Variants in LCLAT1 observed in about 807,000 individuals in gnomAD.
The protein encoded by LCLAT1 is lysocardiolipin acyltransferase 1.
In LCLAT1, 11 loss-of-function variants were observed where a neutral mutation model predicts 30.7. That is an observed-to-expected ratio of 0.36 (90% CI 0.23 to 0.59). LCLAT1 has a LOEUF of 0.59. Among genes scored for constraint, LCLAT1 ranks in the 20% least tolerant of loss-of-function variants. LCLAT1 has a pLI of 0.77. For missense variants in LCLAT1, 402 were observed against 458.6 expected, an observed-to-expected ratio of 0.88 and a Z score of 1.13; for synonymous variants, 155 against 151.3, an observed-to-expected ratio of 1.02 and a Z score of -0.18.
intron 3 of LCLAT1, among the ~76,000 whole-genome samples, chr2:30,559,258 A>G (rs1384170951): frequency 6.6e-6 from 1 of 152,170 alleles, no homozygotes; most frequent in Admixed American, 6.6e-5. Flanking sequence ...TAGTTGGGTG[A>G]TAGCCAGGCA....
intron 3 of LCLAT1, among the ~76,000 whole-genome samples, chr2:30,535,923 A>G (rs1686219288): frequency 6.6e-6 from 1 of 152,194 alleles, no homozygotes; most frequent in African/African-American, 2.4e-5. Context: ...CCATCAGGAA[A>G]CAATTCATGA....
chr2:30,562,335 T>A, intron 4 of LCLAT1, 43 bp downstream of exon 4: 1 of 1,493,896 alleles, frequency 6.7e-7, no homozygotes. Context: ...TCATGTAGTC[T>A]AAACTTCTCA....
rs574989401 is a variant in LCLAT1 at position 30,609,879 on chromosome 2, C to T, written c.629-30238C>T. 2.6e-5 allele frequency among the ~76,000 whole-genome samples: 4 copies of T among 152,212 alleles called. No individual in the cohort carries two copies. The South Asian group carries it at 8.3e-4, about 32-fold the overall frequency. ...AAGGATTGCTTCCATGTCTTTAAAT[C>T]TCCCATGGTAGCTGTAGCTAGCACA... On this transcript the variant is annotated intron_variant, in intron 5 of 5. Transcript: ENST00000379509.
At chr2:30,627,851 TATG>T (rs35403004) in intron 5 of LCLAT1, among the ~76,000 whole-genome samples, 112,615 of 151,858 alleles carry the variant, frequency 0.74, 42,230 homozygotes, top group African/African-American at 0.86. Flanking sequence ...ACTACTTTAA[TATG>T]ATTTTTACCA....
chr2:30,576,844 C>CT (rs975725876), intron 5 of LCLAT1, among the ~76,000 whole-genome samples: 1 of 151,512 alleles, frequency 6.6e-6, no homozygotes, highest in Non-Finnish European at 1.5e-5. Context: ...TTATTAGAAC[C>CT]TTTTTTTGCA....
At chr2:30,590,208 T>C (rs1666629195) in intron 5 of LCLAT1, among the ~76,000 whole-genome samples, 1 of 152,124 alleles carries the variant, frequency 6.6e-6, no homozygotes, top group African/African-American at 2.4e-5. Context: ...GCCTAGTGAT[T>C]TGAGAACATT....
At chr2:30,521,805 C>T (rs1685493307) in intron 1 of LCLAT1, among the ~76,000 whole-genome samples, 1 of 151,956 alleles carries the variant, frequency 6.6e-6, no homozygotes, top group Non-Finnish European at 1.5e-5. Context: ...GCTGGACCAA[C>T]CCCCTAAACT....
intron 5 of LCLAT1, among the ~76,000 whole-genome samples, chr2:30,585,294 A>G (rs546504441): frequency 5.9e-5 from 9 of 151,962 alleles, no homozygotes; most frequent in Non-Finnish European, 1.3e-4. Flanking sequence ...GTCAAAAAAC[A>G]TTTTTTTGAG....
intron 5 of LCLAT1, among the ~76,000 whole-genome samples, chr2:30,574,147 A>T (rs901710489): frequency 2.1e-4 from 32 of 151,998 alleles, no homozygotes; most frequent in East Asian, 3.9e-4. Flanking sequence ...TGTCTCAAAA[A>T]AATAATAATA....
intron 3 of LCLAT1, among the ~76,000 whole-genome samples, chr2:30,539,248 CTTTTTTTTT>C (rs72012748): frequency 2.1e-4 from 19 of 90,872 alleles, no homozygotes; most frequent in Non-Finnish European, 3.3e-4. Flanking sequence ...CGCGCCAGGC[CTTTTTTTTT>C]TTTTTTTTTT....
intron 1 of LCLAT1, among the ~76,000 whole-genome samples, chr2:30,470,873 T>C (rs1389612219): frequency 6.6e-6 from 1 of 151,968 alleles, no homozygotes; most frequent in Non-Finnish European, 1.5e-5. Context: ...TTAATAGTAT[T>C]GTCTTTTATT....
intron 1 of LCLAT1, chr2:30,459,683 A>C: frequency 6.2e-7 from 1 of 1,614,110 alleles, no homozygotes; most frequent in Non-Finnish European, 8.5e-7. Flanking sequence ...GTTTCTAGCT[A>C]CTGCACGTAC....
intron 1 of LCLAT1, among the ~76,000 whole-genome samples, chr2:30,517,050 C>T (rs1459453680): frequency 6.6e-6 from 1 of 152,206 alleles, no homozygotes; most frequent in Non-Finnish European, 1.5e-5. Context: ...GAAGTCTCTA[C>T]TCCACAGTCG....
Position 30,533,248 on chromosome 2 carries a change from C to A in LCLAT1, c.298C>A (p.Arg100=). ...DWMFLWNCLM[R]YSYLRLEKIC... Reference sequence around the variant, plus strand: ...GATGTTCCTGTGGAATTGCCTGATGCGATATAGCTACCTCAGATTGGAGAA... The same window carrying A: ...GATGTTCCTGTGGAATTGCCTGATGAGATATAGCTACCTCAGATTGGAGAA... The change falls in exon 3 of 6, where the codon CGA becomes AGA. Residue 100 remains arginine (R), a synonymous_variant. Coordinates refer to ENST00000379509, the MANE Select transcript of LCLAT1 (RefSeq NM_001002257.3). The A allele has an allele frequency of 3.1e-6, 5 of 1,613,900 alleles. No individual in the cohort carries two copies. Among genetic ancestry groups the A allele is most frequent in the Non-Finnish European group, 4.2e-6 (5 of 1,179,824 alleles).
At chr2:30,587,326 T>G (rs1350041453) in intron 5 of LCLAT1, among the ~76,000 whole-genome samples, 3 of 152,282 alleles carry the variant, frequency 2.0e-5, no homozygotes, top group Non-Finnish European at 2.9e-5. Context: ...ATGGTAGTTT[T>G]TTTTTTATGA....
At chr2:30,605,924 G>C (rs555598681) in intron 5 of LCLAT1, 2 of 875,692 alleles carry the variant, frequency 2.3e-6, no homozygotes, top group East Asian at 1.1e-4. Flanking sequence ...CATAAGGAGC[G>C]CGCAACCTAG....
At chr2:30,483,856 G>A (rs1243733623) in intron 1 of LCLAT1, among the ~76,000 whole-genome samples, 2 of 152,256 alleles carry the variant, frequency 1.3e-5, no homozygotes, top group Middle Eastern at 3.4e-3. Context: ...AACGAGTACT[G>A]AACAGGAATT....
intron 1 of LCLAT1, among the ~76,000 whole-genome samples, chr2:30,507,135 T>G (rs1473551535): frequency 1.3e-5 from 2 of 152,190 alleles, no homozygotes; most frequent in Non-Finnish European, 2.9e-5. Flanking sequence ...TTTAATTTTA[T>G]GTATTTGATT....
At chr2:30,497,767 G>T (rs1684188611) in intron 1 of LCLAT1, among the ~76,000 whole-genome samples, 1 of 152,072 alleles carries the variant, frequency 6.6e-6, no homozygotes, top group Non-Finnish European at 1.5e-5. Context: ...TGCATTGTCA[G>T]CCATACTCTT....
Sources: gnomAD v4.1 joint callset for allele counts (sites outside exome capture counted in the v4.1 genomes callset) on GRCh38, gnomAD v4.1.1 for gene constraint, MANE v1.5 for transcripts, NCBI Gene and HGNC (gene_info 2026-07-23, HGNC 2026-07-21) for gene names.